SERGEF: variants seen among roughly 807,000 people sequenced by gnomAD.
SERGEF encodes the protein secretion-regulating guanine nucleotide exchange factor.
In SERGEF, 51 loss-of-function variants were observed where a neutral mutation model predicts 50.0. That is an observed-to-expected ratio of 1.02 (90% CI 0.81 to 1.29). The LOEUF is 1.29. SERGEF is among the 50% of genes most tolerant of loss of function. The pLI, the probability that SERGEF is intolerant of heterozygous loss-of-function variation, is 0.00. For synonymous variants in SERGEF, 205 were observed against 212.4 expected (o/e 0.97, Z 0.30); for missense variants, 521 against 557.0 (o/e 0.94, Z 0.65).
chr11:17,818,076 C>T (rs370700000), intron 10 of SERGEF, among the ~76,000 whole-genome samples: 15 of 152,294 alleles, frequency 9.8e-5, no homozygotes, highest in East Asian at 5.8e-4. Flanking sequence ...GCTATGACCA[C>T]GTGTACACTT....
chr11:17,835,871 T>TCTGATTAAA (rs1491273757), intron 10 of SERGEF, among the ~76,000 whole-genome samples: 1 of 152,172 alleles, frequency 6.6e-6, no homozygotes, highest in African/African-American at 2.4e-5. Flanking sequence ...GATATTTTAT[T>TCTGATTAAA]CTGATTAAAT....
intron 9 of SERGEF, among the ~76,000 whole-genome samples, chr11:17,946,003 A>G (rs1852652534): frequency 6.6e-6 from 1 of 152,060 alleles, no homozygotes; most frequent in Admixed American, 6.6e-5. Flanking sequence ...CAAAAAACAA[A>G]AACTCAAAGG....
intron 10 of SERGEF, among the ~76,000 whole-genome samples, chr11:17,815,436 TAA>T (rs763972184): frequency 6.5e-5 from 7 of 108,354 alleles, no homozygotes; most frequent in Admixed American, 2.0e-4. Context: ...CCATCTCTAC[TAA>T]AAAAAAAAAA....
chr11:17,963,364 T>TA (rs1174880141), intron 8 of SERGEF, among the ~76,000 whole-genome samples: 4,044 of 49,740 alleles, frequency 0.081, 234 homozygotes, highest in Middle Eastern at 0.15. Context: ...TTACTATTAG[T>TA]AAAAAAAAAA....
At chr11:17,923,410 C>A (rs1259954260) in intron 9 of SERGEF, among the ~76,000 whole-genome samples, 1 of 152,122 alleles carries the variant, frequency 6.6e-6, no homozygotes, top group African/African-American at 2.4e-5. Context: ...GTCCTGAGGC[C>A]AAGAAAAAAT....
intron 10 of SERGEF, among the ~76,000 whole-genome samples, chr11:17,795,859 G>T (rs1849563858): frequency 6.6e-6 from 1 of 152,216 alleles, no homozygotes; most frequent in Admixed American, 6.5e-5. Flanking sequence ...TACACAAGGG[G>T]CATGGACAGT....
At chr11:17,795,016 C>A (rs1190952683) in intron 10 of SERGEF, among the ~76,000 whole-genome samples, 3 of 152,206 alleles carry the variant, frequency 2.0e-5, no homozygotes, top group Non-Finnish European at 2.9e-5. Flanking sequence ...GAGAGATAGG[C>A]ACAAGAAATT....
chr11:17,801,112 G>A (rs1027168871), intron 10 of SERGEF, among the ~76,000 whole-genome samples: 2 of 151,366 alleles, frequency 1.3e-5, no homozygotes, highest in African/African-American at 2.4e-5. Context: ...GGAGAACGGC[G>A]TGAACCTGGG....
rs768014018 is a variant in SERGEF at position 17,988,609 on chromosome 11, C to T, written c.832G>A (p.Val278Ile). ...GCTACTGTCTCACCTGTCTGAGCAA[C>T]CAGGTGTGTCCATCCACTCCAGATG... The part of the protein sequence containing the change: ...TAIWSGWTHL[V>I]AQTETGKMFT... The change falls in exon 8 of 11, where the codon GTT (valine) becomes ATT (isoleucine). Residue 278 changes from valine (V) to isoleucine (I), a missense_variant. Coordinates refer to ENST00000265965, the MANE Select transcript of SERGEF (RefSeq NM_012139.4). The T allele has an allele frequency of 5.5e-5, 89 of 1,614,022 alleles. No homozygotes were observed. Among genetic ancestry groups the T allele is most frequent in the Non-Finnish European group, 7.5e-5 (88 of 1,179,966 alleles).
intron 10 of SERGEF, among the ~76,000 whole-genome samples, chr11:17,801,194 C>A (rs1205040569): frequency 1.8e-3 from 234 of 131,880 alleles, no homozygotes; most frequent in South Asian, 2.5e-3. Flanking sequence ...GACTCCGTCT[C>A]AAAAAAAAAA....
chr11:17,807,886 T>G (rs1428428556), intron 10 of SERGEF, among the ~76,000 whole-genome samples: 3 of 152,174 alleles, frequency 2.0e-5, no homozygotes, highest in Non-Finnish European at 2.9e-5. Context: ...TCCTGCCCAC[T>G]TAAGGGAAAT....
At chr11:17,953,758 TC>T (rs1468978485) in intron 9 of SERGEF, among the ~76,000 whole-genome samples, 1 of 152,236 alleles carries the variant, frequency 6.6e-6, no homozygotes, top group African/African-American at 2.4e-5. Flanking sequence ...TCTTGGATTT[TC>T]TATTTTAGTG....
intron 9 of SERGEF, among the ~76,000 whole-genome samples, chr11:17,886,592 G>A (rs1034035127): frequency 1.3e-5 from 2 of 151,954 alleles, no homozygotes; most frequent in African/African-American, 4.8e-5. Flanking sequence ...CTCCAGCCTG[G>A]GCGAGTACTA....
intron 3 of SERGEF, among the ~76,000 whole-genome samples, chr11:18,006,092 TCTC>T (rs1399489967): frequency 1.3e-5 from 2 of 152,222 alleles, no homozygotes; most frequent in African/African-American, 2.4e-5. Context: ...ACCGTTAAAC[TCTC>T]CTTAGAAAAG....
At chr11:17,999,432 G>A (rs1853912752) in intron 5 of SERGEF, 2 of 281,016 alleles carry the variant, frequency 7.1e-6, no homozygotes, top group Admixed American at 5.1e-5. Flanking sequence ...AATTTTTTTT[G>A]AAGTATAATC....
chr11:17,866,261 G>A (rs1851020859), intron 10 of SERGEF, among the ~76,000 whole-genome samples: 1 of 152,172 alleles, frequency 6.6e-6, no homozygotes, highest in Non-Finnish European at 1.5e-5. Context: ...GGCTGCTCTG[G>A]TAGCAACAGG....
chr11:17,929,313 C>G (rs1852309362), intron 9 of SERGEF, among the ~76,000 whole-genome samples: 1 of 152,158 alleles, frequency 6.6e-6, no homozygotes. Flanking sequence ...GACGCTATTT[C>G]AAACTTCATG....
chr11:17,978,752 A>T (rs1021183246), intron 8 of SERGEF, among the ~76,000 whole-genome samples: 2 of 152,076 alleles, frequency 1.3e-5, no homozygotes, highest in Non-Finnish European at 2.9e-5. Flanking sequence ...AGGTTCTCCC[A>T]TCCATACAAA....
intron 10 of SERGEF, among the ~76,000 whole-genome samples, chr11:17,790,164 C>T (rs11024399): frequency 0.13 from 19,567 of 152,120 alleles, 1,411 homozygotes; most frequent in African/African-American, 0.18. Context: ...ACAGTTTATG[C>T]CCCACCTCCC....
Sources: gnomAD v4.1 joint callset for allele counts (sites outside exome capture counted in the v4.1 genomes callset) on GRCh38, gnomAD v4.1.1 for gene constraint, MANE v1.5 for transcripts, NCBI Gene and HGNC (gene_info 2026-07-23, HGNC 2026-07-21) for gene names.